The following CCDC152 variants were observed in gnomAD, a reference collection of about 807,000 sequenced individuals.
The protein encoded by CCDC152 is coiled-coil domain containing 152.
In CCDC152, 37 loss-of-function variants were observed where a neutral mutation model predicts 38.1. The observed-to-expected ratio is 0.97, with a 90% CI of 0.75 to 1.28. The LOEUF (loss-of-function observed/expected upper bound fraction) is 1.28, where lower values mean the gene tolerates loss of function less well. CCDC152 is among the 50% of genes most tolerant of loss of function. The pLI is 0.00. For missense variants in CCDC152, 259 were observed against 292.1 expected, an observed-to-expected ratio of 0.89 and a Z score of 0.83; for synonymous variants, 83 against 87.1, an observed-to-expected ratio of 0.95 and a Z score of 0.26.
At chr5:42,780,503 T>C (rs1707139024) in intron 5 of CCDC152, among the ~76,000 whole-genome samples, 1 of 152,104 alleles carries the variant, frequency 6.6e-6, no homozygotes, top group Non-Finnish European at 1.5e-5. Context: ...CAGGTTGTAA[T>C]TGGGGTGGGG....
intron 3 of CCDC152, among the ~76,000 whole-genome samples, chr5:42,766,523 C>G (rs1169559343): frequency 6.6e-6 from 1 of 152,154 alleles, no homozygotes; most frequent in Non-Finnish European, 1.5e-5. Context: ...TGTTCATCAA[C>G]AGATGAATGA....
rs1343921362 is a variant in CCDC152, at chr5:42,775,968, G to C, written c.263-3490G>C. Among the ~76,000 whole-genome samples, 2 of 146,830 alleles carry C rather than the reference G, an allele frequency of 1.4e-5. 1 individual carries two copies. Among genetic ancestry groups the C allele is most frequent in the African/African-American group, 5.0e-5 (2 of 40,044 alleles). ...ATAATGGATTTGCTAAGAAAGAAGAGAAAATGGAATCACGTGAAATACTCA... is the reference window on the plus strand; with the variant it reads ...ATAATGGATTTGCTAAGAAAGAAGACAAAATGGAATCACGTGAAATACTCA... On this transcript the variant is annotated intron_variant, in intron 4 of 8. Transcript: ENST00000361970.
At chr5:42,765,947 C>G (rs538478442) in intron 3 of CCDC152, among the ~76,000 whole-genome samples, 7 of 152,034 alleles carry the variant, frequency 4.6e-5, no homozygotes, top group African/African-American at 1.4e-4. Context: ...CTGCACAGCA[C>G]AGGATACAAT....
chr5:42,756,910 T>C (rs1301558645), intron 1 of CCDC152, 25 bp downstream of exon 1: 3 of 152,800 alleles, frequency 2.0e-5, no homozygotes, highest in Non-Finnish European at 4.4e-5. Flanking sequence ...CTATTGACGG[T>C]TCGAAATTCC....
intron 4 of CCDC152, among the ~76,000 whole-genome samples, chr5:42,771,022 C>G (rs1001980263): frequency 6.6e-6 from 1 of 152,074 alleles, no homozygotes; most frequent in Non-Finnish European, 1.5e-5. Flanking sequence ...AATAGGTTTT[C>G]TAAGTATATA....
At chr5:42,776,196 A>G (rs755748327) in intron 4 of CCDC152, among the ~76,000 whole-genome samples, 3 of 152,136 alleles carry the variant, frequency 2.0e-5, no homozygotes, top group Admixed American at 1.3e-4. Flanking sequence ...TCTTTCTACA[A>G]AAAAAGTCTA....
chr5:42,788,196 G>A (rs1579719503), intron 6 of CCDC152, among the ~76,000 whole-genome samples: 1 of 145,464 alleles, frequency 6.9e-6, no homozygotes, highest in East Asian at 2.2e-4. Flanking sequence ...TCCTTGTTTG[G>A]TGGATATAAA....
At chr5:42,775,178 T>G (rs1268641619) in intron 4 of CCDC152, among the ~76,000 whole-genome samples, 1 of 151,764 alleles carries the variant, frequency 6.6e-6, no homozygotes. Context: ...GACTGAGAAT[T>G]TCCCCTAATT....
chr5:42,759,022 T>C (rs1282412986), intron 1 of CCDC152, 98 bp from the exon 2 acceptor site: 3 of 832,220 alleles, frequency 3.6e-6, no homozygotes, highest in Non-Finnish European at 1.8e-6. Flanking sequence ...GCCCTATGAG[T>C]TGAATATAGA....
At chr5:42,797,964 G>A (rs540812847) in intron 7 of CCDC152, among the ~76,000 whole-genome samples, 1 of 151,792 alleles carries the variant, frequency 6.6e-6, no homozygotes, top group Non-Finnish European at 1.5e-5. Context: ...CCAGGCCAAC[G>A]TGGTGAAACC....
At chr5:42,787,811 C>T (rs939144446) in intron 6 of CCDC152, among the ~76,000 whole-genome samples, 1 of 152,064 alleles carries the variant, frequency 6.6e-6, no homozygotes, top group African/African-American at 2.4e-5. Flanking sequence ...GTAGATCTTT[C>T]GTCACCCCTT....
intron 6 of CCDC152, among the ~76,000 whole-genome samples, chr5:42,783,847 T>C (rs1345949320): frequency 3.3e-5 from 5 of 152,100 alleles, no homozygotes; most frequent in Non-Finnish European, 7.4e-5. Flanking sequence ...ATGCAGTATT[T>C]GACTTTCTGT....
At chr5:42,787,668 G>A (rs1759940838) in intron 6 of CCDC152, among the ~76,000 whole-genome samples, 2 of 151,914 alleles carry the variant, frequency 1.3e-5, no homozygotes, top group South Asian at 4.2e-4. Flanking sequence ...ATAGTAGTTA[G>A]GTAATTGCTG....
At chr5:42,762,622 A>T in intron 3 of CCDC152, 74 bp downstream of exon 3, 1 of 783,740 alleles carries the variant, frequency 1.3e-6, no homozygotes, top group Non-Finnish European at 2.2e-6. Context: ...TTAATATTAC[A>T]CCATATATTT....
intron 6 of CCDC152, among the ~76,000 whole-genome samples, chr5:42,795,231 C>T (rs1760058870): frequency 6.6e-6 from 1 of 152,014 alleles, no homozygotes; most frequent in South Asian, 2.1e-4. Context: ...CAAATAGTAG[C>T]CAACATGAAG....
Position 42,796,916 on chromosome 5 carries a change from A to T in CCDC152, c.518A>T (p.Glu173Val), listed in dbSNP as rs139741095. The T allele has an allele frequency of 6.5e-3, 10,017 of 1,530,050 alleles. 39 individuals carry two copies. The highest frequency in any genetic ancestry group is 7.7e-3 in the Non-Finnish European group (8,790 of 1,140,762). 94.8% of individuals were successfully genotyped at this position (1,530,050 alleles called of 1,614,324 possible). A position where few individuals can be genotyped will look rare whatever the true frequency, so the allele number is the denominator to read the frequency against. Residue 173 changes from glutamate to valine, a missense_variant, in exon 7 of 9, where the codon GAA (glutamate) becomes GTA (valine). By Grantham distance (121) the Glu-to-Val change is moderately radical. Transcript: ENST00000361970. ...TTAAATGCAAAGCTAAGAAGTCAAG[A>T]AAAAGAAAAACAAAATGAAATAATC... The part of the protein sequence containing the change: ...SELNAKLRSQ[E>V]KEKQNEIIKL...
At chr5:42,766,387 C>G (rs1759624628) in intron 3 of CCDC152, among the ~76,000 whole-genome samples, 1 of 152,026 alleles carries the variant, frequency 6.6e-6, no homozygotes, top group African/African-American at 2.4e-5. Flanking sequence ...ATAGAGCTAC[C>G]ATAGGACCCA....
In CCDC152 at chr5:42,799,952, T is replaced by C. The variant is rs1004422883; in HGVS notation, c.*171T>C. 5.6e-6 allele frequency: 4 copies of C among 717,914 alleles called. No individual in the cohort carries two copies. Among genetic ancestry groups the C allele is most frequent in the Non-Finnish European group, 8.8e-6 (4 of 452,990 alleles). 44.5% of individuals were successfully genotyped at this position (717,914 alleles called of 1,614,324 possible). A position where few individuals can be genotyped will look rare whatever the true frequency, so the allele number is the denominator to read the frequency against. On this transcript the variant is annotated 3_prime_UTR_variant, in exon 9 of 9. Transcript: ENST00000361970. ...ATCCAATTCTGTACTGCATTCTTGC[T>C]TAATAGTATTAACCATAAAGGAGGT...
At chr5:42,785,362 G>A (rs1413137593) in intron 6 of CCDC152, among the ~76,000 whole-genome samples, 2 of 152,034 alleles carry the variant, frequency 1.3e-5, no homozygotes, top group African/African-American at 2.4e-5. Context: ...TATGGTAATT[G>A]TTAATGGGAT....
Sources: allele counts gnomAD v4.1 joint callset (sites outside exome capture counted in the v4.1 genomes callset), GRCh38; gene constraint gnomAD v4.1.1; transcripts MANE v1.5; gene names NCBI Gene and HGNC (gene_info 2026-07-23, HGNC 2026-07-21).